Variants in C17orf67 observed in about 807,000 individuals in gnomAD.
C17orf67 encodes uncharacterized protein C17orf67.
C17orf67 carries 12 observed loss-of-function variants against 11.2 expected under a neutral mutation model. The observed-to-expected ratio is 1.07, with a 90% CI of 0.68 to 1.73. The LOEUF is 1.73. Ranked by LOEUF, C17orf67 falls within the 40% of genes most tolerant of loss-of-function variation. C17orf67 has a pLI of 0.00. For missense variants in C17orf67, 115 were observed against 113.5 expected (o/e 1.01, Z -0.06); for synonymous variants, 59 against 46.9 (o/e 1.26, Z -1.05).
Position 56,792,949 on chromosome 17 carries a change from C to T in C17orf67, c.*21-597G>A, listed in dbSNP as rs113834855. 2.8e-3 allele frequency among the ~76,000 whole-genome samples: 125 copies of T among 45,124 alleles called. 1 individual carries two copies. Among genetic ancestry groups the T allele is most frequent in the Non-Finnish European group, 4.1e-3 (79 of 19,496 alleles). 29.6% of individuals were successfully genotyped at this position (45,124 alleles called of 152,430 possible). A position where few individuals can be genotyped will look rare whatever the true frequency, so the allele number is the denominator to read the frequency against. On this transcript the variant is annotated intron_variant, in intron 7 of 7. Transcript: ENST00000397861. Reference sequence around the variant, plus strand: ...GTGTGGGTAATGGTGATGATGGTGGCGATGGTGGTGATGGTGATGGTGATA... The same window carrying T: ...GTGTGGGTAATGGTGATGATGGTGGTGATGGTGGTGATGGTGATGGTGATA...
intron 6 of C17orf67, among the ~76,000 whole-genome samples, chr17:56,804,659 C>T (rs1347346579): frequency 6.6e-6 from 1 of 152,178 alleles, no homozygotes; most frequent in East Asian, 1.9e-4. Context: ...CCAACAAGAA[C>T]ACTCCTTAAA....
intron 4 of C17orf67, among the ~76,000 whole-genome samples, chr17:56,818,035 G>T (rs1462434922): frequency 6.6e-6 from 1 of 151,756 alleles, no homozygotes; most frequent in Non-Finnish European, 1.5e-5. Context: ...TGTAGAAATG[G>T]GTTTTGCCAT....
At chr17:56,802,954 T>C (rs1237412403) in intron 6 of C17orf67, among the ~76,000 whole-genome samples, 2 of 152,268 alleles carry the variant, frequency 1.3e-5, no homozygotes, top group Non-Finnish European at 2.9e-5. Flanking sequence ...GTAAAATGAC[T>C]GGCGCCTTAG....
chr17:56,808,067 T>C (rs1229487246), intron 6 of C17orf67, among the ~76,000 whole-genome samples: 1 of 152,030 alleles, frequency 6.6e-6, no homozygotes, highest in African/African-American at 2.4e-5. Flanking sequence ...CTCTCCAAAA[T>C]CTCTGAAAAT....
At chr17:56,809,507 C>CACACCCCTCACACATACACCCTCACGT (rs1328444121) in intron 6 of C17orf67, among the ~76,000 whole-genome samples, 25 of 151,470 alleles carry the variant, frequency 1.7e-4, no homozygotes, top group Non-Finnish European at 3.1e-4. Flanking sequence ...CGAACCCTCA[C>CACACCCCTCACACATACACCCTCACGT]ACACCCCTCA....
chr17:56,814,480 C>T (rs1442315410), intron 6 of C17orf67, among the ~76,000 whole-genome samples: 2 of 152,118 alleles, frequency 1.3e-5, no homozygotes, highest in Non-Finnish European at 2.9e-5. Flanking sequence ...CCTGCCTGGA[C>T]AGACCATCAT....
chr17:56,811,767 T>C (rs1597993716), intron 6 of C17orf67, among the ~76,000 whole-genome samples: 1 of 152,342 alleles, frequency 6.6e-6, no homozygotes, highest in East Asian at 1.9e-4. Flanking sequence ...CACGCACCAC[T>C]TGACCCTCTC....
chr17:56,832,217 G>A (rs937754258), intron 2 of C17orf67, among the ~76,000 whole-genome samples: 51 of 152,194 alleles, frequency 3.4e-4, no homozygotes, highest in African/African-American at 1.0e-3. Flanking sequence ...AAGTGTTGGG[G>A]TTACAGGCGT....
At chr17:56,803,412 G>A (rs996261454) in intron 6 of C17orf67, among the ~76,000 whole-genome samples, 2 of 152,204 alleles carry the variant, frequency 1.3e-5, no homozygotes, top group Non-Finnish European at 2.9e-5. Flanking sequence ...TGATATTAAC[G>A]AATGTCACTA....
At position 56,818,126 on chromosome 17, in the gene C17orf67, G is replaced by A. The variant is rs558616541; in HGVS notation, c.-200-2116C>T. ...CCAAAAATGCTTGAATTACAGATGTGAGCCAACACGTGCAGCTAGTAGCAT... is the reference window on the plus strand; with the variant it reads ...CCAAAAATGCTTGAATTACAGATGTAAGCCAACACGTGCAGCTAGTAGCAT... On this transcript the variant is annotated intron_variant, in intron 4 of 7. Coordinates refer to ENST00000397861, the MANE Select transcript of C17orf67 (RefSeq NM_001085430.4). 5.3e-4 allele frequency among the ~76,000 whole-genome samples: 79 copies of A among 149,766 alleles called. 1 individual carries two copies. The highest frequency in any genetic ancestry group is 1.8e-3 in the African/African-American group (75 of 40,592).
intron 6 of C17orf67, among the ~76,000 whole-genome samples, chr17:56,813,789 T>G (rs757796391): frequency 6.6e-6 from 1 of 151,696 alleles, no homozygotes; most frequent in African/African-American, 2.4e-5. Context: ...TACTTTGTTT[T>G]ATCATCATAA....
At chr17:56,810,759 T>C (rs1157079765) in intron 6 of C17orf67, among the ~76,000 whole-genome samples, 1 of 152,232 alleles carries the variant, frequency 6.6e-6, no homozygotes, top group African/African-American at 2.4e-5. Context: ...AGGTCCAGGC[T>C]TATCGGCTCC....
intron 4 of C17orf67, among the ~76,000 whole-genome samples, chr17:56,822,897 G>A (rs7215648): frequency 0.025 from 3,812 of 152,190 alleles, 145 homozygotes; most frequent in African/African-American, 0.086. Flanking sequence ...GGGCCTTTCC[G>A]GCCTGCTGCA....
At chr17:56,813,791 T>C (rs993395330) in intron 6 of C17orf67, among the ~76,000 whole-genome samples, 1 of 151,608 alleles carries the variant, frequency 6.6e-6, no homozygotes, top group Admixed American at 6.6e-5. Flanking sequence ...CTTTGTTTTA[T>C]CATCATAAAA....
chr17:56,805,325 C>G (rs1454177830), intron 6 of C17orf67, among the ~76,000 whole-genome samples: 1 of 152,254 alleles, frequency 6.6e-6, no homozygotes, highest in Non-Finnish European at 1.5e-5. Flanking sequence ...TTGCAACACA[C>G]CATCATCCCA....
At chr17:56,795,803 T>C (rs566194107) in intron 6 of C17orf67, among the ~76,000 whole-genome samples, 1 of 152,220 alleles carries the variant, frequency 6.6e-6, no homozygotes. Flanking sequence ...GGTTATGCCA[T>C]GGACTATTAT....
rs546362113 is a variant in C17orf67, at chr17:56,809,511, C to T, written c.156+5358G>A. Among the ~76,000 whole-genome samples, 5 of 151,412 alleles carry T rather than the reference C, an allele frequency of 3.3e-5. No homozygotes were observed. In the South Asian group the frequency reaches 8.3e-4, roughly 25 times the overall value. On this transcript the variant is annotated intron_variant, in intron 6 of 7. Transcript: ENST00000397861. ...ACACACACACACGAACCCTCACACA[C>T]CCCTCACACATACACCCTCACGTAC...
chr17:56,831,149 G>C (rs2039733310), intron 2 of C17orf67, among the ~76,000 whole-genome samples: 1 of 103,902 alleles, frequency 9.6e-6, no homozygotes, highest in East Asian at 4.9e-4. Flanking sequence ...CCAGGTGGGA[G>C]GCTGTGACAG....
chr17:56,799,888 T>C (rs1905278806), intron 6 of C17orf67, among the ~76,000 whole-genome samples: 1 of 152,060 alleles, frequency 6.6e-6, no homozygotes, highest in South Asian at 2.1e-4. Flanking sequence ...TCAAGTCTTT[T>C]GTCAGAATGG....
Sources: allele counts gnomAD v4.1 joint callset (sites outside exome capture counted in the v4.1 genomes callset), GRCh38; gene constraint gnomAD v4.1.1; transcripts MANE v1.5; gene names NCBI Gene and HGNC (gene_info 2026-07-23, HGNC 2026-07-21).